Variants in MED13L observed in about 807,000 individuals in gnomAD.
MED13L encodes mediator of RNA polymerase II transcription subunit 13-like.
A neutral mutation model predicts 220.9 loss-of-function variants in MED13L; 7 were observed. The observed-to-expected ratio is 0.03, with a 90% CI of 0.02 to 0.06. The LOEUF is 0.06. MED13L is among the 10% of genes least tolerant of loss of function. The pLI is 1.00. For missense variants in MED13L, 1,965 were observed against 2,760.5 expected (o/e 0.71, Z 6.46); for synonymous variants, 1,011 against 1,015.2 (o/e 1.00, Z 0.08).
intron 1 of MED13L, among the ~76,000 whole-genome samples, chr12:116,265,014 A>C (rs1057474213): frequency 3.9e-5 from 6 of 152,170 alleles, no homozygotes; most frequent in African/African-American, 1.4e-4. Flanking sequence ...ATAGAACTGA[A>C]AAGTGTCTGT....
chr12:116,062,465 A>AGT (rs1286842985), intron 4 of MED13L, among the ~76,000 whole-genome samples: 2 of 145,188 alleles, frequency 1.4e-5, no homozygotes, highest in East Asian at 4.2e-4. Context: ...TGAATAGAAT[A>AGT]GTGTCTCTCT....
intron 2 of MED13L, among the ~76,000 whole-genome samples, chr12:116,115,628 A>C (rs1052436592): frequency 2.6e-5 from 4 of 152,156 alleles, no homozygotes; most frequent in Admixed American, 1.3e-4. Flanking sequence ...TTGTATTCAG[A>C]ATACGTTACT....
At chr12:116,188,933 T>C (rs1370608341) in intron 2 of MED13L, among the ~76,000 whole-genome samples, 1 of 152,210 alleles carries the variant, frequency 6.6e-6, no homozygotes, top group Non-Finnish European at 1.5e-5. Context: ...TATTATATTG[T>C]ATGGATATAC....
In MED13L at chr12:115,996,516, G is replaced by T; in HGVS notation, c.2956C>A (p.Pro986Thr). The T allele has an allele frequency of 6.2e-7, 1 of 1,614,194 alleles. No homozygotes were observed. Among genetic ancestry groups the T allele is most frequent in the Non-Finnish European group, 8.5e-7 (1 of 1,180,012 alleles). ...ATGAAAGTGGCTGCAGGGGGCATGG[G>T]CAGTTGTTCAATTTTAGGAGGAATT... ...WAIPPKIEQL[P>T]MPPAATFIRD... Residue 986 changes from proline to threonine, a missense_variant, in exon 16 of 31, where the codon CCC becomes ACC. Coordinates refer to ENST00000281928, the MANE Select transcript of MED13L (RefSeq NM_015335.5).
At position 115,963,514 on chromosome 12, in the gene MED13L, C is replaced by A. The variant is rs777749745; in HGVS notation, c.6393G>T (p.Ser2131=). ...QNQCPLFLKA[S]LHHHISVAQT... is the part of the protein sequence containing the mutation. ...GTGCTACTGAAATGTGGTGATGCAG[C>A]GAAGCCTGGTGAAAAAACAAAGAGA... is the stretch of plus-strand genomic sequence containing the variant. The change falls in exon 30 of 31, where the codon TCG becomes TCT. Residue 2131 remains serine, a synonymous_variant. Coordinates refer to ENST00000281928, the MANE Select transcript of MED13L (RefSeq NM_015335.5). The A allele has an allele frequency of 1.2e-6, 2 of 1,612,490 alleles. No individual in the cohort carries two copies. The highest frequency in any genetic ancestry group is 1.3e-5 in the African/African-American group (1 of 74,998).
In MED13L at chr12:116,005,988, G is replaced by A. The variant is rs757359386; in HGVS notation, c.2350C>T (p.Arg784Trp). 9.3e-6 allele frequency: 15 copies of A among 1,613,726 alleles called. No individual in the cohort carries two copies. Among genetic ancestry groups the A allele is most frequent in the East Asian group, 8.9e-5 (4 of 44,874 alleles). Residue 784 changes from arginine (R) to tryptophan (W), a missense_variant, in exon 13 of 31, where the codon CGG becomes TGG. Around this residue, in one of 10 missense-constraint regions of MED13L, gnomAD observed 818 missense variants for 1,041.2 expected, o/e 0.79. Transcript: ENST00000281928. Reference sequence around the variant, plus strand: ...GCTCTGCCAGCAGCATTATCCTGCCGGACATCTGTAGGAAAGGAGGCAAAA... The same window carrying A: ...GCTCTGCCAGCAGCATTATCCTGCCAGACATCTGTAGGAAAGGAGGCAAAA... ...IFSSATKTDV[R>W]QDNAAGRAGS... is the part of the protein sequence containing the mutation.
At chr12:115,990,904 T>A in intron 17 of MED13L, 116 bp downstream of exon 17, 1 of 1,119,102 alleles carries the variant, frequency 8.9e-7, no homozygotes. Context: ...AGGTTCTTTT[T>A]TTTCCCCCGA....
intron 2 of MED13L, among the ~76,000 whole-genome samples, chr12:116,214,937 A>G (rs900240723): frequency 2.6e-5 from 4 of 152,204 alleles, no homozygotes; most frequent in African/African-American, 9.6e-5. Context: ...AAGCCTATCA[A>G]TCTGGTCTCA....
At chr12:116,205,852 C>T (rs1348396965) in intron 2 of MED13L, among the ~76,000 whole-genome samples, 4 of 151,548 alleles carry the variant, frequency 2.6e-5, no homozygotes, top group African/African-American at 7.3e-5. Flanking sequence ...CATAACCATA[C>T]ATATTAACTT....
In MED13L at chr12:116,063,316, G is replaced by A. The variant is rs1008758895; in HGVS notation, c.479+33353C>T. On this transcript the variant is annotated intron_variant, in intron 4 of 30. Coordinates refer to ENST00000281928, the MANE Select transcript of MED13L (RefSeq NM_015335.5). ...CCTTAAACTCAGGAGTTCAAGACCA[G>A]CCTGGGCAACACAGGGAGCCCTCCT... is the stretch of plus-strand genomic sequence containing the variant. Among the ~76,000 whole-genome samples the A allele has an allele frequency of 7.9e-5, 12 of 152,246 alleles. No homozygotes were observed. In the South Asian group the frequency reaches 2.3e-3, roughly 29 times the overall value.
chr12:116,213,626 T>G (rs1882837344), intron 2 of MED13L, among the ~76,000 whole-genome samples: 1 of 152,226 alleles, frequency 6.6e-6, no homozygotes. Context: ...TTGGTCAGGC[T>G]GGTCTCAAAC....
chr12:116,069,092 C>T (rs1220944850), intron 4 of MED13L, among the ~76,000 whole-genome samples: 2 of 152,140 alleles, frequency 1.3e-5, no homozygotes, highest in South Asian at 2.1e-4. Context: ...TCTTCTCCCC[C>T]ACAACAGACC....
intron 2 of MED13L, among the ~76,000 whole-genome samples, chr12:116,235,274 G>A (rs1278079292): frequency 6.6e-6 from 1 of 151,990 alleles, no homozygotes; most frequent in Non-Finnish European, 1.5e-5. Flanking sequence ...ATTAAAAAGA[G>A]GAGACGCACT....
At chr12:116,162,803 C>T (rs1007834166) in intron 2 of MED13L, among the ~76,000 whole-genome samples, 2 of 152,108 alleles carry the variant, frequency 1.3e-5, no homozygotes, top group South Asian at 2.1e-4. Flanking sequence ...GTGACTTTTT[C>T]TATTTTTCTC....
chr12:116,156,564 C>T (rs140261080), intron 2 of MED13L, among the ~76,000 whole-genome samples: 46 of 152,146 alleles, frequency 3.0e-4, no homozygotes, highest in Non-Finnish European at 5.4e-4. Flanking sequence ...TCCTCCTTAC[C>T]ACAAGTATCA....
intron 4 of MED13L, among the ~76,000 whole-genome samples, chr12:116,095,214 T>G (rs977552320): frequency 2.0e-5 from 3 of 152,070 alleles, no homozygotes; most frequent in Admixed American, 6.6e-5. Flanking sequence ...TGAAACACAT[T>G]AGTTAAGCCG....
chr12:116,262,339 A>C (rs1671207319), intron 1 of MED13L, among the ~76,000 whole-genome samples: 1 of 152,166 alleles, frequency 6.6e-6, no homozygotes, highest in Admixed American at 6.5e-5. Context: ...ACTTATTTCT[A>C]TTTTCAATTC....
intron 2 of MED13L, among the ~76,000 whole-genome samples, chr12:116,122,219 A>G (rs1875164485): frequency 6.6e-6 from 1 of 152,228 alleles, no homozygotes; most frequent in Non-Finnish European, 1.5e-5. Context: ...ATACCAAGAT[A>G]AATAAACGAT....
At chr12:115,967,340 T>G (rs943322868) in intron 28 of MED13L, among the ~76,000 whole-genome samples, 1 of 152,148 alleles carries the variant, frequency 6.6e-6, no homozygotes, top group South Asian at 2.1e-4. Context: ...TATCAAAGAA[T>G]GTTTAATGGT....
Sources: allele counts gnomAD v4.1 joint callset (sites outside exome capture counted in the v4.1 genomes callset), GRCh38; gene constraint gnomAD v4.1.1; regional missense constraint gnomAD v4.1.1; transcripts MANE v1.5; gene names NCBI Gene and HGNC (gene_info 2026-07-23, HGNC 2026-07-21).